ACMSD: variants seen among roughly 807,000 people sequenced by gnomAD.
The protein encoded by ACMSD is aminocarboxymuconate semialdehyde decarboxylase, also known as 2-amino-3-carboxymuconate-6-semialdehyde decarboxylase.
In ACMSD, 37 loss-of-function variants were observed where a neutral mutation model predicts 45.9. The ratio of observed to expected loss-of-function variants is 0.81; its 90% CI spans 0.62 to 1.06. The LOEUF (loss-of-function observed/expected upper bound fraction) is 1.06. ACMSD is among the 50% of genes least tolerant of loss of function. The pLI is 0.00. For synonymous variants in ACMSD, 138 were observed against 148.8 expected (o/e 0.93, Z 0.53); for missense variants, 434 against 420.9 (o/e 1.03, Z -0.27).
At chr2:134,889,795 A>AG (rs1392656985) in intron 8 of ACMSD, among the ~76,000 whole-genome samples, 1 of 152,080 alleles carries the variant, frequency 6.6e-6, no homozygotes, top group African/African-American at 2.4e-5. Flanking sequence ...CAACCTGAAG[A>AG]GGTGATTCAC....
At chr2:134,845,644 T>A (rs529542750) in intron 2 of ACMSD, among the ~76,000 whole-genome samples, 28 of 151,108 alleles carry the variant, frequency 1.9e-4, no homozygotes, top group Non-Finnish European at 7.4e-5. Context: ...TATTACAGTA[T>A]ATTAAAGCTG....
In ACMSD at chr2:134,852,086, C is replaced by T. The variant is rs544156324; in HGVS notation, c.102+6809C>T. Among the ~76,000 whole-genome samples the T allele has an allele frequency of 9.9e-5, 15 of 152,192 alleles. No homozygotes were observed. In the East Asian group the frequency reaches 1.3e-3, roughly 14 times the overall value. ...AAACAAACGGCACACTTAAATTAGA[C>T]TACTTTGAAAAGAGTTCATAAAGAG... On this transcript the variant is annotated intron_variant, in intron 2 of 9. Transcript: ENST00000356140.
intron 2 of ACMSD, among the ~76,000 whole-genome samples, chr2:134,853,109 G>A (rs9677832): frequency 1.4e-5 from 2 of 147,700 alleles, no homozygotes; most frequent in Admixed American, 1.4e-4. Flanking sequence ...ATTGCAGTGA[G>A]CCGAGATCGC....
At chr2:134,865,690 T>G (rs1337947593) in intron 5 of ACMSD, among the ~76,000 whole-genome samples, 1 of 152,222 alleles carries the variant, frequency 6.6e-6, no homozygotes, top group African/African-American at 2.4e-5. Context: ...GTTGGCTTTG[T>G]CATCTCAAGG....
intron 8 of ACMSD, among the ~76,000 whole-genome samples, chr2:134,876,601 CCTT>C (rs369727661): frequency 1.3e-4 from 20 of 152,208 alleles, no homozygotes; most frequent in Admixed American, 3.3e-4. Context: ...TACGACAATG[CCTT>C]CTTCTGGAAT....
At chr2:134,841,279 G>A (rs916022013) in intron 1 of ACMSD, among the ~76,000 whole-genome samples, 1 of 152,106 alleles carries the variant, frequency 6.6e-6, no homozygotes, top group African/African-American at 2.4e-5. Flanking sequence ...AGAGGCCACC[G>A]TGGTCCCTCA....
At chr2:134,900,665 T>C (rs1182517652) in intron 9 of ACMSD, among the ~76,000 whole-genome samples, 1 of 152,194 alleles carries the variant, frequency 6.6e-6, no homozygotes, top group Non-Finnish European at 1.5e-5. Context: ...GCACAGTATA[T>C]ATAGGATTCT....
chr2:134,864,274 A>C (rs1326863125), intron 5 of ACMSD, among the ~76,000 whole-genome samples: 3 of 152,042 alleles, frequency 2.0e-5, no homozygotes, highest in Non-Finnish European at 4.4e-5. Context: ...ATCTCAAAAA[A>C]AAAAAAAAAT....
intron 8 of ACMSD, 77 bp from the exon 9 acceptor site, chr2:134,898,264 A>T (rs894336007): frequency 1.3e-6 from 1 of 799,686 alleles, no homozygotes; most frequent in Non-Finnish European, 1.9e-6. Context: ...GAATGTTTGT[A>T]ATAAGTAAAC....
chr2:134,898,511 T>A (rs1240265067), intron 9 of ACMSD, 72 bp downstream of exon 9: 2 of 998,610 alleles, frequency 2.0e-6, no homozygotes, highest in Non-Finnish European at 2.9e-6. Flanking sequence ...TTCAGAGCAC[T>A]TTGATATATA....
chr2:134,885,778 G>A (rs908966044), intron 8 of ACMSD, among the ~76,000 whole-genome samples: 10 of 152,072 alleles, frequency 6.6e-5, no homozygotes, highest in African/African-American at 2.4e-4. Context: ...TCTTAAACCA[G>A]TTTCAAGAGT....
At chr2:134,890,576 A>G (rs766898576) in intron 8 of ACMSD, among the ~76,000 whole-genome samples, 3 of 152,094 alleles carry the variant, frequency 2.0e-5, no homozygotes, top group Non-Finnish European at 2.9e-5. Context: ...ACTGTTATCA[A>G]TGTTAAATTT....
At chr2:134,887,343 CA>C (rs1689520566) in intron 8 of ACMSD, among the ~76,000 whole-genome samples, 1 of 152,170 alleles carries the variant, frequency 6.6e-6, no homozygotes, top group Admixed American at 6.5e-5. Flanking sequence ...GTGATATTGG[CA>C]TAAGGAAAGA....
At chr2:134,840,167 C>CATAAAAAAAAAAAAA in intron 1 of ACMSD, among the ~76,000 whole-genome samples, 1 of 23,434 alleles carries the variant, frequency 4.3e-5, no homozygotes, top group East Asian at 1.3e-3. Context: ...CTATACCTAG[C>CATAAAAAAAAAAAAA]AAAAAAAAAA....
Position 134,872,565 on chromosome 2 carries a change from AC to A in ACMSD, c.775del (p.Gly260ValfsTer18). On this transcript the variant is annotated frameshift_variant, in exon 8 of 10. Coordinates refer to ENST00000356140, the MANE Select transcript of ACMSD (RefSeq NM_138326.3). LOFTEE classifies it high-confidence loss of function. ...AQDNPMNPKK[Y>X]LGSFYTDALV... ...GACAACCCCATGAACCCGAAGAAATACCTTGGTTCCTTTTACACAGATGCTT... is the reference window on the plus strand; with the variant it reads ...GACAACCCCATGAACCCGAAGAAATACTTGGTTCCTTTTACACAGATGCTT... The A allele has an allele frequency of 6.2e-7, 1 of 1,614,128 alleles. No individual in the cohort carries two copies. Among genetic ancestry groups the A allele is most frequent in the Non-Finnish European group, 8.5e-7 (1 of 1,180,014 alleles).
At chr2:134,840,167 CAAAA>C (rs1158518481) in intron 1 of ACMSD, among the ~76,000 whole-genome samples, 312 of 23,414 alleles carry the variant, frequency 0.013, 2 homozygotes, top group African/African-American at 0.04. Flanking sequence ...CTATACCTAG[CAAAA>C]AAAAAAAAAA....
intron 1 of ACMSD, among the ~76,000 whole-genome samples, chr2:134,842,065 A>G (rs1686830172): frequency 6.6e-6 from 1 of 152,184 alleles, no homozygotes; most frequent in Non-Finnish European, 1.5e-5. Context: ...TGTATATAAA[A>G]CTGAATTTCC....
chr2:134,863,943 CA>C (rs1162572457), intron 5 of ACMSD, among the ~76,000 whole-genome samples: 2 of 151,946 alleles, frequency 1.3e-5, no homozygotes, highest in Non-Finnish European at 2.9e-5. Flanking sequence ...AGCCACTGTG[CA>C]AAAGAATCGT....
At chr2:134,848,277 T>C (rs1290994813) in intron 2 of ACMSD, among the ~76,000 whole-genome samples, 1 of 152,156 alleles carries the variant, frequency 6.6e-6, no homozygotes, top group Non-Finnish European at 1.5e-5. Context: ...TGATTTATAA[T>C]CCTTTGGGTA....
Sources: gnomAD v4.1 joint callset for allele counts (sites outside exome capture counted in the v4.1 genomes callset) on GRCh38, gnomAD v4.1.1 for gene constraint, MANE v1.5 for transcripts, NCBI Gene and HGNC (gene_info 2026-07-23, HGNC 2026-07-21) for gene names.